COLGALT2: variants seen among roughly 807,000 people sequenced by gnomAD.
COLGALT2 encodes the protein procollagen galactosyltransferase 2.
In COLGALT2, 49 loss-of-function variants were observed where a neutral mutation model predicts 73.4. The ratio of observed to expected loss-of-function variants is 0.67; its 90% CI spans 0.53 to 0.85. The LOEUF (loss-of-function observed/expected upper bound fraction) is 0.85. COLGALT2 is among the 40% of genes least tolerant of loss of function. The pLI is 0.00. For synonymous variants in COLGALT2, 295 were observed against 307.6 expected, an observed-to-expected ratio of 0.96 and a Z score of 0.43; for missense variants, 722 against 790.2, an observed-to-expected ratio of 0.91 and a Z score of 1.03.
At chr1:183,962,154 CTTTTTT>C (rs34873073) in intron 6 of COLGALT2, among the ~76,000 whole-genome samples, 4 of 85,532 alleles carry the variant, frequency 4.7e-5, no homozygotes, top group East Asian at 4.0e-4. Flanking sequence ...TTTTCTCTTT[CTTTTTT>C]TTTTTTTTTT....
intron 1 of COLGALT2, among the ~76,000 whole-genome samples, chr1:184,029,763 A>G (rs1649451154): frequency 6.6e-6 from 1 of 152,226 alleles, no homozygotes; most frequent in African/African-American, 2.4e-5. Context: ...AGAGAGCAGG[A>G]CGGGTGTTAT....
intron 1 of COLGALT2, among the ~76,000 whole-genome samples, chr1:184,007,888 A>T (rs1284497883): frequency 1.3e-5 from 2 of 152,252 alleles, no homozygotes; most frequent in East Asian, 3.8e-4. Context: ...AGTAGAATAC[A>T]TAAACAGATC....
At chr1:184,037,049 C>A in intron 1 of COLGALT2, 46 bp downstream of exon 1, 2 of 1,390,122 alleles carry the variant, frequency 1.4e-6, no homozygotes, top group Non-Finnish European at 1.9e-6. Context: ...CTGGGCAGGC[C>A]GCCCCCGCGT....
At chr1:183,940,834 C>T in intron 10 of COLGALT2, 47 bp from the exon 11 acceptor site, 1 of 1,491,954 alleles carries the variant, frequency 6.7e-7, no homozygotes, top group South Asian at 1.1e-5. Context: ...GACTATTATG[C>T]CATGATAAGG....
At chr1:183,932,192 C>G (rs546888087), downstream of COLGALT2, among the ~76,000 whole-genome samples, 14 of 152,154 alleles carry the variant, frequency 9.2e-5, no homozygotes, top group Non-Finnish European at 2.1e-4. Flanking sequence ...TATCCCCCAG[C>G]AGCTTGGAAG....
At chr1:184,029,894 T>G (rs1177343046) in intron 1 of COLGALT2, among the ~76,000 whole-genome samples, 1 of 152,158 alleles carries the variant, frequency 6.6e-6, no homozygotes, top group Non-Finnish European at 1.5e-5. Context: ...GATAGAGAGA[T>G]GGATTTTAAA....
chr1:184,032,083 G>T (rs10911497), intron 1 of COLGALT2, among the ~76,000 whole-genome samples: 33,016 of 151,834 alleles, frequency 0.22, 3,759 homozygotes, highest in East Asian at 0.47. Context: ...TTGTAGAGAT[G>T]GAGTTTCACC....
At chr1:183,978,371 G>C (rs746574610) in intron 2 of COLGALT2, 39 bp downstream of exon 2, 4 of 1,134,628 alleles carry the variant, frequency 3.5e-6, no homozygotes, top group Non-Finnish European at 1.3e-6. Flanking sequence ...AAGAGGAAGG[G>C]TAAATAATGA....
chr1:183,973,779 G>A (rs767868190), intron 3 of COLGALT2, 29 bp from the exon 4 acceptor site: 1 of 1,607,426 alleles, frequency 6.2e-7, no homozygotes, highest in South Asian at 1.1e-5. Context: ...AATGTTAGGT[G>A]AAAAGGTACT....
At chr1:184,019,404 C>G (rs1295960919) in intron 1 of COLGALT2, among the ~76,000 whole-genome samples, 2 of 152,176 alleles carry the variant, frequency 1.3e-5, no homozygotes, top group Non-Finnish European at 2.9e-5. Flanking sequence ...CGGGGTTTCT[C>G]ATTTTAAATC....
chr1:183,964,122 A>G (rs770040044), intron 5 of COLGALT2, 102 bp from the exon 6 acceptor site: 278 of 1,283,268 alleles, frequency 2.2e-4, no homozygotes, highest in South Asian at 5.6e-4. Flanking sequence ...TGAGTTTGAC[A>G]CTGCAATTAA....
At chr1:183,943,083 T>C (rs1016398383) in intron 10 of COLGALT2, among the ~76,000 whole-genome samples, 2 of 152,208 alleles carry the variant, frequency 1.3e-5, no homozygotes, top group Admixed American at 1.3e-4. Context: ...GAAACAGTGA[T>C]CTCAAGGGAC....
chr1:183,945,913 G>A, intron 8 of COLGALT2: 1 of 214,006 alleles, frequency 4.7e-6, no homozygotes, highest in South Asian at 9.2e-5. Context: ...CTGAATCTCT[G>A]TTAACACAGT....
chr1:184,010,595 T>C (rs10737249), intron 1 of COLGALT2, among the ~76,000 whole-genome samples: 109,142 of 152,104 alleles, frequency 0.72, 40,596 homozygotes, highest in African/African-American at 0.92. Flanking sequence ...CAGTCTTCCC[T>C]TCTGTCCTCT....
At chr1:184,004,460 G>A (rs992436797) in intron 1 of COLGALT2, among the ~76,000 whole-genome samples, 4 of 152,130 alleles carry the variant, frequency 2.6e-5, no homozygotes, top group Admixed American at 1.3e-4. Context: ...CTTTAACTGT[G>A]TTCTACAACA....
intron 6 of COLGALT2, among the ~76,000 whole-genome samples, chr1:183,955,237 T>G (rs1670521108): frequency 6.6e-6 from 1 of 152,184 alleles, no homozygotes; most frequent in Non-Finnish European, 1.5e-5. Context: ...AATAGAAGTG[T>G]ATCTGTGTTA....
intron 8 of COLGALT2, among the ~76,000 whole-genome samples, chr1:183,947,341 G>T (rs1670279730): frequency 6.6e-6 from 1 of 152,048 alleles, no homozygotes; most frequent in Non-Finnish European, 1.5e-5. Context: ...CCATTTTTTA[G>T]ACCATAAAGA....
At chr1:183,999,410 A>G (rs1671855135) in intron 1 of COLGALT2, among the ~76,000 whole-genome samples, 1 of 152,120 alleles carries the variant, frequency 6.6e-6, no homozygotes, top group Admixed American at 6.5e-5. Flanking sequence ...AAAATTAGGT[A>G]GTATTTTCTT....
At chr1:183,973,189 C>T (rs1029822381) in intron 4 of COLGALT2, among the ~76,000 whole-genome samples, 1 of 152,180 alleles carries the variant, frequency 6.6e-6, no homozygotes, top group Non-Finnish European at 1.5e-5. Flanking sequence ...AACACAGTTA[C>T]TAAAAACGTG....
Sources: gnomAD v4.1 joint callset for allele counts (sites outside exome capture counted in the v4.1 genomes callset) on GRCh38, gnomAD v4.1.1 for gene constraint, MANE v1.5 for transcripts, NCBI Gene and HGNC (gene_info 2026-07-23, HGNC 2026-07-21) for gene names.